PCSK5: variants seen among roughly 807,000 people sequenced by gnomAD.
PCSK5 encodes proprotein convertase subtilisin/kexin type 5, also known as prohormone convertase 5.
A neutral mutation model predicts 233.2 loss-of-function variants in PCSK5; 129 were observed. That is an observed-to-expected ratio of 0.55 (90% confidence interval 0.48 to 0.64). PCSK5 has a LOEUF of 0.64. Among genes scored for constraint, PCSK5 ranks in the 30% least tolerant of loss-of-function variants. The probability of loss-of-function intolerance (pLI) is 0.00; values close to 1 mark genes in which losing one functional copy is unlikely to be tolerated. For missense variants in PCSK5, 2,076 were observed against 2,430.1 expected, an observed-to-expected ratio of 0.85 and a Z score of 3.06; for synonymous variants, 825 against 879.2, an observed-to-expected ratio of 0.94 and a Z score of 1.09.
At chr9:76,279,228 C>G (rs1315735182) in intron 24 of PCSK5, among the ~76,000 whole-genome samples, 1 of 150,906 alleles carries the variant, frequency 6.6e-6, no homozygotes, top group Non-Finnish European at 1.5e-5. Flanking sequence ...CATGTCCCTA[C>G]ATAGGACATG....
chr9:76,019,989 T>G (rs185347272), intron 3 of PCSK5, among the ~76,000 whole-genome samples: 1 of 152,394 alleles, frequency 6.6e-6, no homozygotes, highest in East Asian at 1.9e-4. Flanking sequence ...TTATCTTGCA[T>G]ATACTGTGCA....
intron 5 of PCSK5, among the ~76,000 whole-genome samples, chr9:76,064,225 G>GC (rs1300256394): frequency 7.3e-5 from 8 of 110,154 alleles, no homozygotes; most frequent in African/African-American, 9.4e-5. Flanking sequence ...GGCTGGCCGG[G>GC]TGGGGGGCTG....
At chr9:76,061,675 A>G (rs1830034006) in intron 5 of PCSK5, among the ~76,000 whole-genome samples, 1 of 151,654 alleles carries the variant, frequency 6.6e-6, no homozygotes, top group South Asian at 2.1e-4. Flanking sequence ...ATAGTTTACA[A>G]TTGATTATAG....
intron 3 of PCSK5, among the ~76,000 whole-genome samples, chr9:76,013,640 A>G (rs1178338948): frequency 6.6e-6 from 1 of 152,178 alleles, no homozygotes; most frequent in East Asian, 1.9e-4. Flanking sequence ...CATTCATTGA[A>G]AAGATAATGA....
intron 30 of PCSK5, among the ~76,000 whole-genome samples, chr9:76,313,736 T>C (rs1486265861): frequency 6.6e-6 from 1 of 152,154 alleles, no homozygotes; most frequent in African/African-American, 2.4e-5. Context: ...CTTTTTGACT[T>C]AGCATAATGT....
At chr9:75,915,431 T>C (rs1416256850) in intron 1 of PCSK5, among the ~76,000 whole-genome samples, 1 of 152,192 alleles carries the variant, frequency 6.6e-6, no homozygotes, top group Admixed American at 6.5e-5. Context: ...ACATTTGAAA[T>C]AGGAGAAAGT....
At chr9:75,999,047 G>T (rs1467696684) in intron 3 of PCSK5, among the ~76,000 whole-genome samples, 1 of 151,982 alleles carries the variant, frequency 6.6e-6, no homozygotes, top group Non-Finnish European at 1.5e-5. Flanking sequence ...TTAATGATGT[G>T]CCTCTTATTT....
chr9:76,008,002 G>A (rs780256846), intron 3 of PCSK5, among the ~76,000 whole-genome samples: 2 of 151,898 alleles, frequency 1.3e-5, no homozygotes, highest in Admixed American at 1.3e-4. Context: ...CCCAGAACTG[G>A]TGCCTTTCTA....
intron 25 of PCSK5, 140 bp downstream of exon 25, chr9:76,292,415 T>C (rs1292007466): frequency 1.6e-6 from 1 of 637,692 alleles, no homozygotes; most frequent in African/African-American, 1.8e-5. Context: ...AATGAGCAAT[T>C]CTTGGATTTA....
intron 1 of PCSK5, among the ~76,000 whole-genome samples, chr9:75,919,260 T>C (rs1409625627): frequency 6.6e-6 from 1 of 152,222 alleles, no homozygotes; most frequent in African/African-American, 2.4e-5. Flanking sequence ...TTGTAATGCA[T>C]CTGAGATTCA....
At chr9:76,071,504 G>C (rs1352395269) in intron 6 of PCSK5, among the ~76,000 whole-genome samples, 1 of 152,102 alleles carries the variant, frequency 6.6e-6, no homozygotes, top group African/African-American at 2.4e-5. Context: ...AAAGAAAATG[G>C]ATTAAAAAAA....
chr9:76,200,622 C>T (rs1772618961), intron 20 of PCSK5, among the ~76,000 whole-genome samples: 1 of 152,150 alleles, frequency 6.6e-6, no homozygotes, highest in South Asian at 2.1e-4. Flanking sequence ...GACATTTGAC[C>T]TGGGCCTTGA....
chr9:76,086,883 C>A (rs1831085693), intron 7 of PCSK5, among the ~76,000 whole-genome samples: 2 of 152,128 alleles, frequency 1.3e-5, no homozygotes, highest in South Asian at 4.1e-4. Context: ...GGACATTATT[C>A]AGCTCCAAAA....
intron 5 of PCSK5, among the ~76,000 whole-genome samples, chr9:76,056,333 C>T (rs1829817871): frequency 6.6e-6 from 1 of 152,052 alleles, no homozygotes; most frequent in African/African-American, 2.4e-5. Flanking sequence ...GGGATGAAAC[C>T]TCAAATAAGT....
chr9:76,276,169 C>T (rs1191335785), intron 24 of PCSK5, among the ~76,000 whole-genome samples: 1 of 152,108 alleles, frequency 6.6e-6, no homozygotes, highest in Admixed American at 6.5e-5. Flanking sequence ...ACTGCACCCA[C>T]AGTCTTAGTT....
rs1827835987 is a variant in PCSK5, at chr9:76,280,678, G to A, written c.3143-11555G>A. Among the ~76,000 whole-genome samples the A allele has an allele frequency of 2.6e-5, 4 of 152,008 alleles. 1 individual carries two copies. In the South Asian group the frequency reaches 8.3e-4, roughly 32 times the overall value. On this transcript the variant is annotated intron_variant, in intron 24 of 37. Coordinates refer to ENST00000674117, the MANE Select transcript of PCSK5 (RefSeq NM_001372043.1). ...TTGATCCCAGGAGTACCAGGCTGCAGTAAGCCATGATCACACCACTGCACT... is the reference window on the plus strand; with the variant it reads ...TTGATCCCAGGAGTACCAGGCTGCAATAAGCCATGATCACACCACTGCACT...
intron 1 of PCSK5, among the ~76,000 whole-genome samples, chr9:75,899,519 G>C (rs1825939791): frequency 6.6e-6 from 1 of 152,014 alleles, no homozygotes; most frequent in South Asian, 2.1e-4. Flanking sequence ...TGTACCCTTT[G>C]ACCTACATCT....
intron 24 of PCSK5, among the ~76,000 whole-genome samples, chr9:76,272,282 CT>C (rs1408037983): frequency 6.6e-6 from 1 of 152,128 alleles, no homozygotes; most frequent in African/African-American, 2.4e-5. Flanking sequence ...AACAACTATA[CT>C]TTAGTTCAGG....
In PCSK5 at chr9:76,099,632, A is replaced by G. The variant is rs1052381847; in HGVS notation, c.1107+3530A>G. ...GAGTTGGCAGTAACATCAGCCTTTT[A>G]TGGTCCGGCTGACCCCTTTTCCTTC... On this transcript the variant is annotated intron_variant, in intron 8 of 37. Coordinates refer to ENST00000674117, the MANE Select transcript of PCSK5 (RefSeq NM_001372043.1). Among the ~76,000 whole-genome samples the G allele has an allele frequency of 2.6e-5, 4 of 152,142 alleles. No individual in the cohort carries two copies. The South Asian group carries it at 6.2e-4, about 24-fold the overall frequency.
Sources: allele counts gnomAD v4.1 joint callset (sites outside exome capture counted in the v4.1 genomes callset), GRCh38; gene constraint gnomAD v4.1.1; transcripts MANE v1.5; gene names NCBI Gene and HGNC (gene_info 2026-07-23, HGNC 2026-07-21).